The following EFCAB6 variants were observed in gnomAD, a reference collection of about 807,000 sequenced individuals.
EFCAB6 encodes EF-hand calcium-binding domain-containing protein 6.
In EFCAB6, 156 loss-of-function variants were observed where a neutral mutation model predicts 169.8. The ratio of observed to expected loss-of-function variants is 0.92; its 90% CI spans 0.81 to 1.05. The LOEUF is 1.05. Among genes scored for constraint, EFCAB6 ranks in the 50% least tolerant of loss-of-function variants. The pLI, the probability that EFCAB6 is intolerant of heterozygous loss-of-function variation, is 0.00. For synonymous variants in EFCAB6, 698 were observed against 676.4 expected, an observed-to-expected ratio of 1.03 and a Z score of -0.50; for missense variants, 1,800 against 1,829.1, an observed-to-expected ratio of 0.98 and a Z score of 0.29.
At chr22:43,794,466 T>C (rs996715163) in intron 2 of EFCAB6, among the ~76,000 whole-genome samples, 1 of 152,242 alleles carries the variant, frequency 6.6e-6, no homozygotes, top group African/African-American at 2.4e-5. Flanking sequence ...TGTCCAATTG[T>C]GCCAGCATGT....
chr22:43,709,078 G>T (rs187877212), intron 10 of EFCAB6, among the ~76,000 whole-genome samples: 134 of 152,222 alleles, frequency 8.8e-4, no homozygotes, highest in African/African-American at 3.2e-3. Context: ...GGGACAATTT[G>T]TTATTTATTT....
intron 17 of EFCAB6, among the ~76,000 whole-genome samples, chr22:43,660,060 A>G (rs1326891806): frequency 1.3e-5 from 2 of 152,218 alleles, no homozygotes; most frequent in Non-Finnish European, 2.9e-5. Context: ...CAGAGGTGGT[A>G]CTAAGAACAA....
At chr22:43,688,104 G>C (rs1430518811) in intron 10 of EFCAB6, among the ~76,000 whole-genome samples, 1 of 152,174 alleles carries the variant, frequency 6.6e-6, no homozygotes, top group African/African-American at 2.4e-5. Flanking sequence ...CCTAGCTGCA[G>C]CCATCAAAAG....
intron 19 of EFCAB6, among the ~76,000 whole-genome samples, chr22:43,631,446 T>C (rs1049182661): frequency 2.6e-5 from 4 of 151,982 alleles, no homozygotes; most frequent in Admixed American, 2.0e-4. Context: ...CCAGAGCCCA[T>C]GCCTCATCTG....
chr22:43,690,725 C>T (rs2058381399), intron 10 of EFCAB6, among the ~76,000 whole-genome samples: 1 of 151,646 alleles, frequency 6.6e-6, no homozygotes, highest in African/African-American at 2.4e-5. Flanking sequence ...TCCGTTCTTC[C>T]AAAGAGCTGT....
intron 27 of EFCAB6, among the ~76,000 whole-genome samples, chr22:43,549,361 T>C (rs2048255270): frequency 6.6e-6 from 1 of 152,104 alleles, no homozygotes; most frequent in South Asian, 2.1e-4. Flanking sequence ...AAATAAGGTA[T>C]AAGTATAGAT....
Position 43,616,002 on chromosome 22 carries a change from CCT to C in EFCAB6, c.2466-82_2466-81del, listed in dbSNP as rs1423289847. On this transcript the variant is annotated intron_variant, in intron 20 of 31. Coordinates refer to ENST00000262726, the MANE Select transcript of EFCAB6 (RefSeq NM_022785.4). ...TCTCCCAAGGGGTTTCCCTATCCCC[CCT>C]GTTTGTTTCAAGGATACCATTAAAG... 6.5e-5 allele frequency: 78 copies of C among 1,207,054 alleles called. 1 individual carries two copies. In the South Asian group the frequency reaches 1.0e-3, roughly 16 times the overall value. The allele number at this position is 1,207,054 out of a possible 1,614,324, so 74.8% of individuals were successfully genotyped here.
chr22:43,570,943 A>C (rs1221459724), intron 26 of EFCAB6, among the ~76,000 whole-genome samples: 1 of 152,228 alleles, frequency 6.6e-6, no homozygotes, highest in African/African-American at 2.4e-5. Flanking sequence ...TCTGCAGAGC[A>C]GCGGCCTGGG....
chr22:43,669,483 T>C (rs2057395395), intron 15 of EFCAB6, among the ~76,000 whole-genome samples: 1 of 152,234 alleles, frequency 6.6e-6, no homozygotes, highest in Admixed American at 6.5e-5. Context: ...GAATATCTTG[T>C]GTGCTTCCAT....
intron 1 of EFCAB6, among the ~76,000 whole-genome samples, chr22:43,811,801 G>A (rs2063140280): frequency 6.6e-6 from 1 of 152,190 alleles, no homozygotes; most frequent in African/African-American, 2.4e-5. Context: ...GAAATCAGGG[G>A]CATGAGACAT....
rs554324162 is a variant in EFCAB6, at chr22:43,590,030, T to C, written c.3032+44A>G. 209 of 1,588,846 alleles carry C rather than the reference T, an allele frequency of 1.3e-4. No individual in the cohort carries two copies. In the South Asian group the frequency reaches 2.2e-3, roughly 17 times the overall value. On this transcript the variant is annotated intron_variant, in intron 24 of 31. Coordinates refer to ENST00000262726, the MANE Select transcript of EFCAB6 (RefSeq NM_022785.4). ...AAACAAAGGCAATTCTCCAGTATGTTTTTCAGGGCCATGAGAAACATATTT... is the reference window on the plus strand; with the variant it reads ...AAACAAAGGCAATTCTCCAGTATGTCTTTCAGGGCCATGAGAAACATATTT...
intron 11 of EFCAB6, among the ~76,000 whole-genome samples, chr22:43,684,571 A>G (rs1347341103): frequency 6.6e-6 from 1 of 152,216 alleles, no homozygotes; most frequent in Non-Finnish European, 1.5e-5. Flanking sequence ...ACAATGAATG[A>G]CAGTCAGTTT....
chr22:43,556,181 CAG>C (rs2048695735), intron 26 of EFCAB6, among the ~76,000 whole-genome samples: 1 of 151,924 alleles, frequency 6.6e-6, no homozygotes, highest in Non-Finnish European at 1.5e-5. Flanking sequence ...AATGGGGCAG[CAG>C]AGTCTTGAGC....
chr22:43,800,753 G>A (rs527870779), intron 2 of EFCAB6, among the ~76,000 whole-genome samples: 1 of 152,044 alleles, frequency 6.6e-6, no homozygotes, highest in South Asian at 2.1e-4. Context: ...CAGTTAACTT[G>A]AAGACAGACT....
At chr22:43,574,820 C>A (rs2050136815) in intron 26 of EFCAB6, among the ~76,000 whole-genome samples, 1 of 152,204 alleles carries the variant, frequency 6.6e-6, no homozygotes, top group Non-Finnish European at 1.5e-5. Flanking sequence ...ATGAAAGTGT[C>A]TGACCTTACT....
In EFCAB6 at chr22:43,779,952, A is replaced by G. The variant is rs2148022212; in HGVS notation, c.139+2228T>C. On this transcript the variant is annotated intron_variant, in intron 3 of 31. Coordinates refer to ENST00000262726, the MANE Select transcript of EFCAB6 (RefSeq NM_022785.4). ...AACAGGCAAAGGATATGAATAGGCA[A>G]CTCACAAAAGCAAAAGGCATAAGCC... is the stretch of plus-strand genomic sequence containing the variant. Among the ~76,000 whole-genome samples, 3 of 152,346 alleles carry G rather than the reference A, an allele frequency of 2.0e-5. No individual in the cohort carries two copies. In the East Asian group the frequency reaches 5.8e-4, roughly 29 times the overall value.
rs190728375 is a variant in EFCAB6, at chr22:43,706,146, C to A, written c.1031+5329G>T. ...CATATACAACCTTCCAAGACTGAAT[C>A]ACGAAGAAACAGAAAATATTTTTTA... On this transcript the variant is annotated intron_variant, in intron 10 of 31. Coordinates refer to ENST00000262726, the MANE Select transcript of EFCAB6 (RefSeq NM_022785.4). Among the ~76,000 whole-genome samples, 439 of 152,208 alleles carry A rather than the reference C, an allele frequency of 2.9e-3. 2 individuals carry two copies. The highest frequency in any genetic ancestry group is 4.5e-3 in the Non-Finnish European group (308 of 68,008).
chr22:43,749,916 G>A (rs755705344), intron 6 of EFCAB6, among the ~76,000 whole-genome samples: 1 of 152,038 alleles, frequency 6.6e-6, no homozygotes, highest in African/African-American at 2.4e-5. Context: ...TTGCAATATT[G>A]TTCACCCAGT....
At chr22:43,670,787 T>A (rs1305840635) in intron 15 of EFCAB6, among the ~76,000 whole-genome samples, 4 of 152,176 alleles carry the variant, frequency 2.6e-5, no homozygotes, top group African/African-American at 4.8e-5. Flanking sequence ...GGAAAGATGG[T>A]CTGAAAGTCC....
Sources: allele counts gnomAD v4.1 joint callset (sites outside exome capture counted in the v4.1 genomes callset), GRCh38; gene constraint gnomAD v4.1.1; transcripts MANE v1.5; gene names NCBI Gene and HGNC (gene_info 2026-07-23, HGNC 2026-07-21).